The following BPIFB4 variants were observed in gnomAD, a reference collection of about 807,000 sequenced individuals.
BPIFB4 encodes the protein BPI fold-containing family B member 4.
A neutral mutation model predicts 69.2 loss-of-function variants in BPIFB4; 62 were observed. The observed-to-expected ratio is 0.90, with a 90% confidence interval of 0.73 to 1.11. BPIFB4 has a LOEUF of 1.11. Ranked by LOEUF, BPIFB4 falls within the 50% of genes least tolerant of loss-of-function variation. The pLI, the probability that BPIFB4 is intolerant of heterozygous loss-of-function variation, is 0.00. For missense variants in BPIFB4, 789 were observed against 792.0 expected (o/e 1.00, Z 0.04); for synonymous variants, 330 against 332.7 (o/e 0.99, Z 0.09).
intron 11 of BPIFB4, among the ~76,000 whole-genome samples, chr20:33,093,880 A>G (rs908207632): frequency 1.3e-5 from 2 of 152,064 alleles, no homozygotes; most frequent in African/African-American, 4.8e-5. Flanking sequence ...CCATCCATCC[A>G]TTTATATATC....
At position 33,104,880 on chromosome 20, in the gene BPIFB4, G is replaced by A. The variant is rs770018279; in HGVS notation, c.1744+7G>A. ...TTCATGCCCGCAATGAACGGTGAGA[G>A]CGGGTGCCTGTGCCTCTCTGGGAGC... On this transcript the variant is annotated splice_region_variant and intron_variant, in intron 16 of 17. Coordinates refer to ENST00000375483, the MANE Select transcript of BPIFB4 (RefSeq NM_182519.3). 4.3e-6 allele frequency: 7 copies of A among 1,613,850 alleles called. No homozygotes were observed. The highest frequency in any genetic ancestry group is 1.1e-5 in the South Asian group (1 of 91,062).
chr20:33,107,584 C>T (rs1447366462), intron 16 of BPIFB4, among the ~76,000 whole-genome samples, 160 bp from the exon 17 acceptor site: 1 of 151,986 alleles, frequency 6.6e-6, no homozygotes, highest in Non-Finnish European at 1.5e-5. Flanking sequence ...TGCAATGAGC[C>T]GAGATTGTGC....
At chr20:33,094,511 T>C (rs1600558636) in intron 11 of BPIFB4, among the ~76,000 whole-genome samples, 1 of 25,038 alleles carries the variant, frequency 4.0e-5, no homozygotes, top group Middle Eastern at 0.025. Context: ...TCTTTCTTTC[T>C]TTTTTTTTTT....
At chr20:33,110,417 A>G (rs1982201178) in intron 17 of BPIFB4, among the ~76,000 whole-genome samples, 3 of 152,188 alleles carry the variant, frequency 2.0e-5, no homozygotes. Context: ...TTATTCCTGG[A>G]GGTGTTCACT....
rs373957207 is a variant in BPIFB4, at chr20:33,084,940, G to A, written c.726G>A (p.Leu242=). Residue 242 remains leucine, a synonymous_variant, in exon 6 of 18, where the codon CTG becomes CTA. Transcript: ENST00000375483. The part of the protein sequence containing the change: ...LTLPRVSVRL[L]PGVGVYLSLY... ...TCCCTCGGGTGTCCGTGCGGCTCCTGCCCGGCGTGGGTGTCTACCTGAGCT... is the reference window on the plus strand; with the variant it reads ...TCCCTCGGGTGTCCGTGCGGCTCCTACCCGGCGTGGGTGTCTACCTGAGCT... 3 of 1,611,240 alleles carry A rather than the reference G, an allele frequency of 1.9e-6. No homozygotes were observed. The highest frequency in any genetic ancestry group is 2.2e-5 in the East Asian group (1 of 44,878).
chr20:33,097,932 C>G (rs1271898884), intron 13 of BPIFB4, 145 bp downstream of exon 13: 2 of 815,354 alleles, frequency 2.5e-6, no homozygotes, highest in Middle Eastern at 3.5e-4. Context: ...GGCTCTAACC[C>G]AAATCTAGCC....
At position 33,085,014 on chromosome 20, in the gene BPIFB4, T is replaced by A; in HGVS notation, c.782+18T>A. On this transcript the variant is annotated intron_variant, in intron 6 of 17. Transcript: ENST00000375483. ...GGGAAGAGGTGCGTGCCCTTGGCCCTGGAGGGGTCCCCACCACCCTATGGC... is the reference window on the plus strand; with the variant it reads ...GGGAAGAGGTGCGTGCCCTTGGCCCAGGAGGGGTCCCCACCACCCTATGGC... 1 of 1,606,810 alleles carries A rather than the reference T, an allele frequency of 6.2e-7. No individual in the cohort carries two copies. The highest frequency in any genetic ancestry group is 8.5e-7 in the Non-Finnish European group (1 of 1,178,324).
In BPIFB4 at chr20:33,103,006, A is replaced by C. The variant is rs1299272612; in HGVS notation, c.1672A>C (p.Asn558His). ...SLNLRTSNVGNFDIGLMEVLV... is the reference protein window; with the variant it reads ...SLNLRTSNVGHFDIGLMEVLV... The stretch of plus-strand genomic sequence containing the variant: ...CAACCTCAGAACCTCAAACGTGGGC[A>C]ACTTTGATGTAAGTACCATGTTTAG... Residue 558 changes from asparagine to histidine, a missense_variant, in exon 15 of 18, where the codon AAC becomes CAC. Physicochemically the swap from Asn to His is moderately conservative, Grantham distance 68 (BLOSUM62 1). Coordinates refer to ENST00000375483, the MANE Select transcript of BPIFB4 (RefSeq NM_182519.3). 1 of 1,614,050 alleles carries C rather than the reference A, an allele frequency of 6.2e-7. No homozygotes were observed. The highest frequency in any genetic ancestry group is 8.5e-7 in the Non-Finnish European group (1 of 1,179,918).
chr20:33,109,425 C>T (rs1982173718), intron 17 of BPIFB4, among the ~76,000 whole-genome samples: 1 of 152,046 alleles, frequency 6.6e-6, no homozygotes. Flanking sequence ...TGATGTTTGC[C>T]CTCACTTAGT....
intron 8 of BPIFB4, 25 bp downstream of exon 8, chr20:33,089,054 G>A (rs1232065090): frequency 6.2e-7 from 1 of 1,613,760 alleles, no homozygotes; most frequent in South Asian, 1.1e-5. Flanking sequence ...CAGTATGGGA[G>A]CAAGGGGCAC....
intron 16 of BPIFB4, among the ~76,000 whole-genome samples, chr20:33,105,950 A>T (rs2424960): frequency 0.6 from 91,273 of 152,004 alleles, 28,008 homozygotes; most frequent in African/African-American, 0.66. Flanking sequence ...GAGCTTGGAC[A>T]AGGTCCATAG....
chr20:33,111,505 G>A lies in BPIFB4; in HGVS notation c.*68G>A. ...ACCAGTCCCAGAGAGGCTCGGCCTG[G>A]AAACAGTCCCCTGCCCAGAGTCCCC... On this transcript the variant is annotated 3_prime_UTR_variant, in exon 18 of 18. Transcript: ENST00000375483. 6.3e-7 allele frequency: 1 copy of A among 1,592,382 alleles called. No homozygotes were observed. The highest frequency in any genetic ancestry group is 8.6e-7 in the Non-Finnish European group (1 of 1,162,736).
intron 16 of BPIFB4, 141 bp downstream of exon 16, chr20:33,105,014 C>A: frequency 1.3e-6 from 1 of 787,170 alleles, no homozygotes; most frequent in East Asian, 2.9e-5. Flanking sequence ...TCGATGAAAG[C>A]CTCCAAATCC....
chr20:33,102,852 C>A, intron 14 of BPIFB4, 120 bp from the exon 15 acceptor site: 1 of 1,014,656 alleles, frequency 9.9e-7, no homozygotes, highest in Non-Finnish European at 1.6e-6. Flanking sequence ...TATTAAATCC[C>A]TGCAGGTGGA....
rs139946022 is a variant in BPIFB4 at position 33,092,482 on chromosome 20, G to A, written c.1168G>A (p.Gly390Arg). ...GACGCTGGTTGGGGAGGCTGGAGGA[G>A]GACTCATCGACTACCCATTGGGGTG... ...LNTLVGEAGG[G>R]LIDYPLGWPA... Residue 390 changes from glycine (G) to arginine (R), a missense_variant, in exon 11 of 18, where the codon GGA becomes AGA. By Grantham distance (125) the Gly-to-Arg change is moderately radical (BLOSUM62 -2). Coordinates refer to ENST00000375483, the MANE Select transcript of BPIFB4 (RefSeq NM_182519.3). The A allele has an allele frequency of 2.5e-3, 4,042 of 1,614,016 alleles. 64 individuals carry two copies. The East Asian group carries it at 0.035, about 14-fold the overall frequency.
chr20:33,088,091 C>T (rs1051980603), intron 7 of BPIFB4, among the ~76,000 whole-genome samples: 1 of 151,894 alleles, frequency 6.6e-6, no homozygotes, highest in Non-Finnish European at 1.5e-5. Context: ...CACTGCAGGC[C>T]CCTGGAAACA....
chr20:33,081,923 G>T (rs552552236), intron 3 of BPIFB4, among the ~76,000 whole-genome samples: 28 of 152,342 alleles, frequency 1.8e-4, no homozygotes, highest in African/African-American at 6.5e-4. Flanking sequence ...CTGACTGTGT[G>T]ACCTTAAGTT....
In BPIFB4 at chr20:33,095,134, T is replaced by G. The variant is rs758248648; in HGVS notation, c.1379T>G (p.Leu460Arg). The change falls in exon 12 of 18, where the codon CTG becomes CGG. Residue 460 changes from leucine to arginine, a missense_variant. Around this residue, in one of 3 missense-constraint regions of BPIFB4, gnomAD observed 170 missense variants for 193.6 expected, o/e 0.88. Transcript: ENST00000375483. Reference sequence around the variant, plus strand: ...CTTCCTCCACTTACCACAGCCACACTGGGAGCCCTGATCCCCAAGGTATGT... The same window carrying G: ...CTTCCTCCACTTACCACAGCCACACGGGGAGCCCTGATCCCCAAGGTATGT... The part of the protein sequence containing the change: ...EELPPLTTAT[L>R]GALIPKVFQQ... 6.2e-6 allele frequency: 10 copies of G among 1,612,598 alleles called. No individual in the cohort carries two copies. In the Admixed American group the frequency reaches 1.7e-4, roughly 27 times the overall value.
At chr20:33,095,249 G>C in intron 12 of BPIFB4, 96 bp downstream of exon 12, 2 of 1,345,048 alleles carry the variant, frequency 1.5e-6, no homozygotes, top group Non-Finnish European at 2.1e-6. Context: ...GCTGGGGTGG[G>C]GTGCTCTCCC....
Sources: gnomAD v4.1 joint callset for allele counts (sites outside exome capture counted in the v4.1 genomes callset) on GRCh38, gnomAD v4.1.1 for gene constraint, gnomAD v4.1.1 regional missense constraint, MANE v1.5 for transcripts, NCBI Gene and HGNC (gene_info 2026-07-23, HGNC 2026-07-21) for gene names.